The following AGAP1 variants were observed in gnomAD, a reference collection of about 807,000 sequenced individuals.
The protein encoded by AGAP1 is ArfGAP with GTPase domain, ankyrin repeat and PH domain 1.
AGAP1 carries 29 observed loss-of-function variants against 105.3 expected under a neutral mutation model. That is an observed-to-expected ratio of 0.28 (90% confidence interval 0.21 to 0.38). The LOEUF is 0.38. Among genes scored for constraint, AGAP1 ranks in the 10% least tolerant of loss-of-function variants. The pLI is 1.00. For synonymous variants in AGAP1, 509 were observed against 485.9 expected (o/e 1.05, Z -0.63); for missense variants, 998 against 1,165.1 (o/e 0.86, Z 2.09).
rs544419376 is a variant in AGAP1, at chr2:235,912,027, C to T, written c.1324+3121C>T. On this transcript the variant is annotated intron_variant, in intron 11 of 17. Transcript: ENST00000304032. ...CATCAGCTGGTGTGCGGCAGGAGGG[C>T]GCAGATCTCAGATAGCAGCTCCCTG... 1.1e-4 allele frequency among the ~76,000 whole-genome samples: 16 copies of T among 152,280 alleles called. 1 individual carries two copies. The East Asian group carries it at 2.5e-3, about 24-fold the overall frequency.
intron 16 of AGAP1, among the ~76,000 whole-genome samples, chr2:236,064,025 C>G (rs1020633672): frequency 3.3e-5 from 5 of 152,116 alleles, no homozygotes; most frequent in African/African-American, 7.2e-5. Context: ...TCAAGGACCT[C>G]GAAGAGCTGC....
At position 235,882,840 on chromosome 2, in the gene AGAP1, A is replaced by G. The variant is rs1373357299; in HGVS notation, c.1051-505A>G. ...TTTGTCTCTCCTCTCTCTTTCTTTC[A>G]CTCGCTTTGTCACCCAGGCTGGAGT... On this transcript the variant is annotated intron_variant, in intron 9 of 17. Transcript: ENST00000304032. The surrounding 1 kb of genome is among the most constrained non-coding windows in gnomAD (Gnocchi z 4.6). Among the ~76,000 whole-genome samples the G allele has an allele frequency of 2.0e-5, 3 of 149,108 alleles. No homozygotes were observed. Among genetic ancestry groups the G allele is most frequent in the Non-Finnish European group, 4.5e-5 (3 of 67,368 alleles).
intron 6 of AGAP1, among the ~76,000 whole-genome samples, chr2:235,764,447 C>G (rs2675136): frequency 6.6e-6 from 1 of 151,984 alleles, no homozygotes; most frequent in African/African-American, 2.4e-5. Flanking sequence ...ATCCATGTTT[C>G]CCAGGCACCT....
At position 235,601,702 on chromosome 2, in the gene AGAP1, G is replaced by T. The variant is rs1212464598; in HGVS notation, c.163+106853G>T. On this transcript the variant is annotated intron_variant, in intron 1 of 17. Transcript: ENST00000304032. The surrounding 1 kb of genome is among the most constrained non-coding windows in gnomAD (Gnocchi z 4.4). ...GGGACACAGCCAAACCATATCACCAGTCCGTGGAGCCAGGTGTGGTGGCTC... is the reference window on the plus strand; with the variant it reads ...GGGACACAGCCAAACCATATCACCATTCCGTGGAGCCAGGTGTGGTGGCTC... Among the ~76,000 whole-genome samples, 2 of 152,218 alleles carry T rather than the reference G, an allele frequency of 1.3e-5. No homozygotes were observed. The highest frequency in any genetic ancestry group is 4.8e-5 in the African/African-American group (2 of 41,462).
chr2:235,751,923 C>T lies in AGAP1; in HGVS notation c.673+1435C>T, dbSNP rs149019866. On this transcript the variant is annotated intron_variant, in intron 6 of 17. Coordinates refer to ENST00000304032, the MANE Select transcript of AGAP1 (RefSeq NM_001037131.3). The surrounding 1 kb of genome is among the most constrained non-coding windows in gnomAD (Gnocchi z 5.3). ...GTATATCTCGGGCACCTCCTGCTGC[C>T]TCTGTCGGGAGAATGTCCTGTGGGG... Among the ~76,000 whole-genome samples the T allele has an allele frequency of 1.1e-4, 17 of 152,320 alleles. No homozygotes were observed. Among genetic ancestry groups the T allele is most frequent in the Middle Eastern group, 6.8e-3 (2 of 294 alleles).
chr2:235,648,721 A>C (rs1255896269), intron 1 of AGAP1, among the ~76,000 whole-genome samples: 132 of 151,730 alleles, frequency 8.7e-4, no homozygotes, highest in South Asian at 3.6e-3. Context: ...AAAAAAAAAA[A>C]AAAAAAAAAA....
chr2:235,500,964 A>T (rs1382316700), intron 1 of AGAP1, among the ~76,000 whole-genome samples: 1 of 152,158 alleles, frequency 6.6e-6, no homozygotes, highest in African/African-American at 2.4e-5. Flanking sequence ...CCCCCAAACA[A>T]CCACCACCCA....
rs761990708 is a variant in AGAP1, at chr2:235,712,602, C to T, written c.222+3365C>T. ...CAAACCTCAGGGTTAGTGTGGGGCT[C>T]TGGAGAAATCAGTTTAGGAAGACAT... On this transcript the variant is annotated intron_variant, in intron 2 of 17. Transcript: ENST00000304032. This position sits in a 1 kb window ranked among gnomAD's most constrained non-coding sequence, Gnocchi z 6.0. Among the ~76,000 whole-genome samples, 2 of 152,204 alleles carry T rather than the reference C, an allele frequency of 1.3e-5. No individual in the cohort carries two copies. The highest frequency in any genetic ancestry group is 2.9e-5 in the Non-Finnish European group (2 of 68,040).
At position 235,960,242 on chromosome 2, in the gene AGAP1, C is replaced by T. The variant is rs1020693834; in HGVS notation, c.1484-8220C>T. ...CGTCAGTTACTCGAGTCATAGCCTC[C>T]TGAGGACGACTGCAAGGAGCTCATG... On this transcript the variant is annotated intron_variant, in intron 12 of 17. Transcript: ENST00000304032. This position sits in a 1 kb window ranked among gnomAD's most constrained non-coding sequence, Gnocchi z 4.9. 1.3e-5 allele frequency among the ~76,000 whole-genome samples: 2 copies of T among 152,200 alleles called. No individual in the cohort carries two copies. Among genetic ancestry groups the T allele is most frequent in the Non-Finnish European group, 2.9e-5 (2 of 68,032 alleles).
intron 1 of AGAP1, among the ~76,000 whole-genome samples, chr2:235,683,772 A>G (rs1327956586): frequency 6.6e-6 from 1 of 151,698 alleles, no homozygotes; most frequent in Non-Finnish European, 1.5e-5. Flanking sequence ...ATAGGTATAC[A>G]TGTGCCATGT....
At chr2:235,694,525 G>A (rs1389119963) in intron 1 of AGAP1, among the ~76,000 whole-genome samples, 2 of 151,434 alleles carry the variant, frequency 1.3e-5, no homozygotes. Flanking sequence ...GCAGTGCCCT[G>A]TAATCACAGC....
At position 235,686,445 on chromosome 2, in the gene AGAP1, G is replaced by A. The variant is rs536448796; in HGVS notation, c.164-22734G>A. 2.0e-5 allele frequency among the ~76,000 whole-genome samples: 3 copies of A among 150,948 alleles called. No individual in the cohort carries two copies. The East Asian group carries it at 5.9e-4, about 29-fold the overall frequency. ...TAACATCACCTGTATTATATTGTGG[G>A]GATTAAAATCATGCACTTGTAGCCA... On this transcript the variant is annotated intron_variant, in intron 1 of 17. Coordinates refer to ENST00000304032, the MANE Select transcript of AGAP1 (RefSeq NM_001037131.3).
chr2:235,666,093 C>T (rs1392980894), intron 1 of AGAP1, among the ~76,000 whole-genome samples: 1 of 152,136 alleles, frequency 6.6e-6, no homozygotes, highest in East Asian at 1.9e-4. Context: ...AGGGCTGGCA[C>T]CTTTCCTGAA....
Position 236,107,228 on chromosome 2 carries a change from G to A in AGAP1, c.2115-12964G>A, listed in dbSNP as rs2059520441. Among the ~76,000 whole-genome samples the A allele has an allele frequency of 2.0e-5, 3 of 152,034 alleles. No individual in the cohort carries two copies. In the South Asian group the frequency reaches 6.2e-4, roughly 32 times the overall value. On this transcript the variant is annotated intron_variant, in intron 16 of 17. Coordinates refer to ENST00000304032, the MANE Select transcript of AGAP1 (RefSeq NM_001037131.3). ...AGCCTGGGAGAGGGTGGCTGCCCAG[G>A]GCCCCACAGCCAACCATGTCCTTGC...
chr2:235,863,919 G>T (rs528256030), intron 9 of AGAP1, among the ~76,000 whole-genome samples: 1 of 152,310 alleles, frequency 6.6e-6, no homozygotes, highest in East Asian at 1.9e-4. Flanking sequence ...GAGGGAACAA[G>T]GGAAGTGTGT....
chr2:235,853,929 T>A (rs2048579272), intron 9 of AGAP1, among the ~76,000 whole-genome samples: 1 of 151,988 alleles, frequency 6.6e-6, no homozygotes, highest in African/African-American at 2.4e-5. Context: ...GCCTCCCATG[T>A]GGAGATACTA....
At chr2:235,543,037 C>T (rs374820534) in intron 1 of AGAP1, among the ~76,000 whole-genome samples, 3 of 150,468 alleles carry the variant, frequency 2.0e-5, no homozygotes, top group Non-Finnish European at 3.0e-5. Context: ...CGAGTTGAGC[C>T]GGGAGCCACA....
At chr2:236,060,916 A>G (rs7558330) in intron 16 of AGAP1, among the ~76,000 whole-genome samples, 2 of 151,938 alleles carry the variant, frequency 1.3e-5, no homozygotes, top group African/African-American at 4.8e-5. Context: ...TTTAAAAATT[A>G]GCTGGGCACA....
At chr2:235,726,267 G>A (rs778961143) in intron 3 of AGAP1, among the ~76,000 whole-genome samples, 5 of 152,178 alleles carry the variant, frequency 3.3e-5, no homozygotes, top group Admixed American at 6.5e-5. Flanking sequence ...TGAGGGCAGC[G>A]CACAGAGGCT....
Sources: allele counts gnomAD v4.1 joint callset (sites outside exome capture counted in the v4.1 genomes callset), GRCh38; gene constraint gnomAD v4.1.1; non-coding constraint Gnocchi (gnomAD v3.1); transcripts MANE v1.5; gene names NCBI Gene and HGNC (gene_info 2026-07-23, HGNC 2026-07-21).